Variants in MYOM1 observed in about 807,000 individuals in gnomAD.
MYOM1 encodes myomesin-1.
In MYOM1, 164 loss-of-function variants were observed where a neutral mutation model predicts 205.3. The ratio of observed to expected loss-of-function variants is 0.80; its 90% confidence interval spans 0.70 to 0.91. MYOM1 has a LOEUF of 0.91. Ranked by LOEUF, MYOM1 falls within the 40% of genes least tolerant of loss-of-function variation. MYOM1 has a pLI of 0.00. For missense variants in MYOM1, 2,011 were observed against 2,127.3 expected (o/e 0.95, Z 1.08); for synonymous variants, 772 against 789.4 (o/e 0.98, Z 0.37).
At chr18:3,170,203 A>C (rs999407427) in intron 8 of MYOM1, among the ~76,000 whole-genome samples, 1 of 152,198 alleles carries the variant, frequency 6.6e-6, no homozygotes, top group African/African-American at 2.4e-5. Context: ...ATACAATTAG[A>C]TGCAAGGAAT....
chr18:3,081,394 C>A (rs961846312), intron 33 of MYOM1, among the ~76,000 whole-genome samples: 1 of 152,192 alleles, frequency 6.6e-6, no homozygotes, highest in African/African-American at 2.4e-5. Context: ...TTTTTTTCCC[C>A]TCTATGCCAC....
At chr18:3,150,979 C>CTTTTTTT (rs1164882266) in intron 12 of MYOM1, among the ~76,000 whole-genome samples, 2 of 55,904 alleles carry the variant, frequency 3.6e-5, no homozygotes, top group African/African-American at 1.4e-4. Flanking sequence ...CCATGCCTGG[C>CTTTTTTT]TTTTTTTTTT....
the MYOM1 span, among the ~76,000 whole-genome samples, chr18:3,239,105 G>T: frequency 4.6e-4 from 70 of 152,302 alleles, no homozygotes; most frequent in South Asian, 0.013. Context: ...TCTTTTGGGG[G>T]TCCTTAGTCT....
the MYOM1 span, among the ~76,000 whole-genome samples, chr18:3,234,354 C>G: frequency 1.3e-5 from 2 of 152,164 alleles, no homozygotes; most frequent in African/African-American, 2.4e-5. Context: ...GTTCACCGTA[C>G]TAGGATGTTA....
intron 2 of MYOM1, among the ~76,000 whole-genome samples, chr18:3,205,766 C>T (rs898296810): frequency 2.0e-5 from 3 of 152,216 alleles, no homozygotes; most frequent in East Asian, 1.9e-4. Flanking sequence ...CTTGTTCAAT[C>T]GTTCACAATG....
At chr18:3,228,505 C>A in the MYOM1 span, among the ~76,000 whole-genome samples, 1 of 151,404 alleles carries the variant, frequency 6.6e-6, no homozygotes, top group Non-Finnish European at 1.5e-5. The surrounding 1 kb of genome is among the most constrained non-coding windows in gnomAD (Gnocchi z 4.5). Context: ...TTACAAAAAT[C>A]ATATGGTTTT....
intron 36 of MYOM1, among the ~76,000 whole-genome samples, chr18:3,073,740 T>C (rs117358999): frequency 0.015 from 2,279 of 152,308 alleles, 39 homozygotes; most frequent in Middle Eastern, 0.027. Context: ...CACATGTGCA[T>C]TGGGGGAATG....
intron 37 of MYOM1, among the ~76,000 whole-genome samples, chr18:3,069,497 T>C (rs901873210): frequency 6.6e-6 from 1 of 152,180 alleles, no homozygotes; most frequent in African/African-American, 2.4e-5. Context: ...ATTGGATAGA[T>C]TAAGAAATCT....
chr18:3,126,755 T>C lies in MYOM1; in HGVS notation c.2937A>G (p.Val979=), dbSNP rs1044384541. The C allele has an allele frequency of 1.9e-6, 3 of 1,613,810 alleles. No individual in the cohort carries two copies. Among genetic ancestry groups the C allele is most frequent in the Middle Eastern group, 1.6e-4 (1 of 6,084 alleles). The change falls in exon 19 of 38, where the codon GTA becomes GTG. Residue 979 remains valine (V), a synonymous_variant. Coordinates refer to ENST00000356443, the MANE Select transcript of MYOM1 (RefSeq NM_003803.4). ...CATTGGCTTCTCTCCATTTTCCTGG[T>C]ACCCCATCAATGACCTCGCGATAGT... ...YVNYREVIDG[V]PGKWREANVK...
At chr18:3,112,457 T>C (rs2079541902) in intron 21 of MYOM1, 45 bp from the exon 22 acceptor site, 14 of 1,469,890 alleles carry the variant, frequency 9.5e-6, no homozygotes, top group Non-Finnish European at 1.2e-5. Context: ...GATGAAGCAG[T>C]GGCTGTTTTA....
chr18:3,124,904 GAGA>G (rs2079757650), intron 19 of MYOM1, among the ~76,000 whole-genome samples: 1 of 152,198 alleles, frequency 6.6e-6, no homozygotes, highest in Non-Finnish European at 1.5e-5. Flanking sequence ...ATTAAAGTCA[GAGA>G]AGATGTATGC....
At chr18:3,113,594 C>A (rs1298560402) in intron 21 of MYOM1, among the ~76,000 whole-genome samples, 1 of 152,112 alleles carries the variant, frequency 6.6e-6, no homozygotes, top group East Asian at 1.9e-4. Context: ...CAGCCTCCCA[C>A]AGTGTTGGGA....
At chr18:3,238,158 A>T in the MYOM1 span, among the ~76,000 whole-genome samples, 1 of 152,200 alleles carries the variant, frequency 6.6e-6, no homozygotes, top group Non-Finnish European at 1.5e-5. Context: ...GTCCCATCTC[A>T]GGGGTGATGG....
At chr18:3,096,186 G>A (rs73936910) in intron 25 of MYOM1, among the ~76,000 whole-genome samples, 1 of 152,290 alleles carries the variant, frequency 6.6e-6, no homozygotes, top group African/African-American at 2.4e-5. Context: ...AGGGGAGCAG[G>A]CTCCAGAGGC....
rs1420236650 is a variant in MYOM1 at position 3,188,845 on chromosome 18, T to C, written c.674A>G (p.Gln225Arg). 2 of 1,613,764 alleles carry C rather than the reference T, an allele frequency of 1.2e-6. No individual in the cohort carries two copies. The highest frequency in any genetic ancestry group is 2.2e-5 in the South Asian group (2 of 91,070). Residue 225 changes from glutamine (Q) to arginine (R), a missense_variant, in exon 4 of 38, where the codon CAG becomes CGG. Physicochemically the swap from Gln to Arg is conservative, Grantham distance 43. Transcript: ENST00000356443. ...TTCCTGTTGAAGAGCGGATGTGGCCTGTTTGGAAACCACAGACTGCCTGGA... is the reference window on the plus strand; with the variant it reads ...TTCCTGTTGAAGAGCGGATGTGGCCCGTTTGGAAACCACAGACTGCCTGGA... ...TASRQSVVSK[Q>R]ATSALQQEET...
At chr18:3,220,895 T>C (rs1422923020), upstream of MYOM1, among the ~76,000 whole-genome samples, 4 of 152,276 alleles carry the variant, frequency 2.6e-5, no homozygotes, top group African/African-American at 9.6e-5. Context: ...CTGTTATTAC[T>C]GATACCAATA....
In MYOM1 at chr18:3,067,278, C is replaced by A. The variant is rs1486950790; in HGVS notation, c.5042G>T (p.Gly1681Val). The change falls in exon 38 of 38, where the codon GGC becomes GTC. Residue 1681 changes from glycine to valine, a missense_variant. Transcript: ENST00000356443. ...RMAALESLKG[G>V]KKAK Reference sequence around the variant, plus strand: ...CACCTCCGGTCACTTGGCCTTCTTGCCACCTTTCAGGGACTCCAAGGCGGC... The same window carrying A: ...CACCTCCGGTCACTTGGCCTTCTTGACACCTTTCAGGGACTCCAAGGCGGC... The A allele has an allele frequency of 6.2e-7, 1 of 1,602,864 alleles. No homozygotes were observed. The highest frequency in any genetic ancestry group is 1.3e-5 in the African/African-American group (1 of 74,654).
At chr18:3,071,588 A>G (rs1183719539) in intron 37 of MYOM1, among the ~76,000 whole-genome samples, 1 of 151,980 alleles carries the variant, frequency 6.6e-6, no homozygotes, top group Non-Finnish European at 1.5e-5. Flanking sequence ...TGAACTGCTG[A>G]CCTCAGGTGA....
At chr18:3,069,025 G>A (rs568230190) in intron 37 of MYOM1, among the ~76,000 whole-genome samples, 5 of 152,064 alleles carry the variant, frequency 3.3e-5, no homozygotes, top group South Asian at 2.1e-4. Context: ...TCTTCCCATC[G>A]TGGCCTCCCA....
Sources: gnomAD v4.1 joint callset for allele counts (sites outside exome capture counted in the v4.1 genomes callset) on GRCh38, gnomAD v4.1.1 for gene constraint, Gnocchi (gnomAD v3.1) non-coding constraint, MANE v1.5 for transcripts, NCBI Gene and HGNC (gene_info 2026-07-23, HGNC 2026-07-21) for gene names.